KIF26A: variants seen among roughly 807,000 people sequenced by gnomAD.
KIF26A encodes kinesin-like protein KIF26A.
KIF26A carries 74 observed loss-of-function variants against 126.0 expected under a neutral mutation model. The observed-to-expected ratio is 0.59, with a 90% CI of 0.49 to 0.71. The LOEUF (loss-of-function observed/expected upper bound fraction) is 0.71, where lower values mean the gene tolerates loss of function less well. Among genes scored for constraint, KIF26A ranks in the 30% least tolerant of loss-of-function variants. The pLI, the probability that KIF26A is intolerant of heterozygous loss-of-function variation, is 0.00. For synonymous variants in KIF26A, 1,445 were observed against 1,232.7 expected, an observed-to-expected ratio of 1.17 and a Z score of -3.61; for missense variants, 2,984 against 2,763.3, an observed-to-expected ratio of 1.08 and a Z score of -1.79.
Position 104,177,266 on chromosome 14 carries a change from C to T in KIF26A, c.4478C>T (p.Pro1493Leu), listed in dbSNP as rs1221398630. Residue 1493 changes from proline (P) to leucine (L), a missense_variant, in exon 12 of 15, where the codon CCC (proline) becomes CTC (leucine). Transcript: ENST00000423312. ...GAAKAVGAPK[P>L]PVGGGKGRGL... ...GCCAAGGCTGTGGGGGCCCCCAAGC[C>T]CCCTGTTGGTGGAGGCAAGGGCCGT... is the stretch of plus-strand genomic sequence containing the variant. The T allele has an allele frequency of 6.3e-7, 1 of 1,594,630 alleles. No homozygotes were observed. Among genetic ancestry groups the T allele is most frequent in the Non-Finnish European group, 8.5e-7 (1 of 1,173,898 alleles).
chr14:104,176,704 C>T lies in KIF26A; in HGVS notation c.3916C>T (p.Leu1306=), dbSNP rs981532770. 1.1e-5 allele frequency: 17 copies of T among 1,588,930 alleles called. No individual in the cohort carries two copies. The highest frequency in any genetic ancestry group is 1.7e-5 in the Admixed American group (1 of 58,306). Residue 1306 remains leucine, a synonymous_variant, in exon 12 of 15, where the codon CTG becomes TTG. Transcript: ENST00000423312. The part of the protein sequence containing the change: ...RPEAVARIPP[L]RRGATTLGVT... ...AGAGGCTGTGGCTCGGATCCCACCGCTGCGGAGGGGTGCCACCACGCTGGG... is the reference window on the plus strand; with the variant it reads ...AGAGGCTGTGGCTCGGATCCCACCGTTGCGGAGGGGTGCCACCACGCTGGG...
chr14:104,158,665 C>T (rs1392471049), intron 4 of KIF26A, among the ~76,000 whole-genome samples: 2 of 152,216 alleles, frequency 1.3e-5, no homozygotes, highest in Non-Finnish European at 2.9e-5. Flanking sequence ...AGGCCTGAGG[C>T]CCTGCAGGCA....
Position 104,177,825 on chromosome 14 carries a change from C to T in KIF26A, c.5037C>T (p.Ser1679=), listed in dbSNP as rs756395545. 1.9e-6 allele frequency: 3 copies of T among 1,569,102 alleles called. No homozygotes were observed. Among genetic ancestry groups the T allele is most frequent in the South Asian group, 2.3e-5 (2 of 87,036 alleles). ...GCAGCGCCTCCTCCGCCCCTGACTC[C>T]ATGAGCGAGAGTGGGGCTGCCTCCC... is the stretch of plus-strand genomic sequence containing the variant. ...ATGSASSAPD[S]MSESGAASPG... The change falls in exon 12 of 15, where the codon TCC becomes TCT. Residue 1679 remains serine, a synonymous_variant. Transcript: ENST00000423312.
chr14:104,148,511 G>T lies in KIF26A; in HGVS notation c.289-3504G>T, dbSNP rs1003782115. On this transcript the variant is annotated intron_variant, in intron 2 of 14. Coordinates refer to ENST00000423312, the MANE Select transcript of KIF26A (RefSeq NM_015656.2). The surrounding 1 kb of genome is among the most constrained non-coding windows in gnomAD (Gnocchi z 4.3). Reference sequence around the variant, plus strand: ...AAATTGGGGGGCAGTAACCCGTTGGGGGCTTGGGCCAGAGGACCCCGTGAG... The same window carrying T: ...AAATTGGGGGGCAGTAACCCGTTGGTGGCTTGGGCCAGAGGACCCCGTGAG... 9.2e-5 allele frequency among the ~76,000 whole-genome samples: 14 copies of T among 152,120 alleles called. No individual in the cohort carries two copies. The highest frequency in any genetic ancestry group is 3.4e-4 in the African/African-American group (14 of 41,408).
intron 2 of KIF26A, among the ~76,000 whole-genome samples, chr14:104,142,180 T>G (rs2037643578): frequency 6.6e-6 from 1 of 151,974 alleles, no homozygotes; most frequent in South Asian, 2.1e-4. Context: ...TGAGCTCTGG[T>G]GCCCCGTCTG....
At position 104,176,808 on chromosome 14, in the gene KIF26A, C is replaced by G. The variant is rs750645206; in HGVS notation, c.4020C>G (p.Pro1340=). 70 of 1,562,458 alleles carry G rather than the reference C, an allele frequency of 4.5e-5. 1 individual carries two copies. The African/African-American group carries it at 9.0e-4, about 20-fold the overall frequency. The change falls in exon 12 of 15, where the codon CCC becomes CCG. Residue 1340 remains proline, a synonymous_variant. Coordinates refer to ENST00000423312, the MANE Select transcript of KIF26A (RefSeq NM_015656.2). The part of the protein sequence containing the change: ...VACSGSLKAS[P]TSKKGLAPKA... ...GCTCGGGGAGCCTGAAGGCCTCCCCCACCAGCAAGAAGGGTCTGGCTCCCA... is the reference window on the plus strand; with the variant it reads ...GCTCGGGGAGCCTGAAGGCCTCCCCGACCAGCAAGAAGGGTCTGGCTCCCA...
In KIF26A at chr14:104,139,280, A is replaced by G; in HGVS notation, c.280A>G (p.Thr94Ala). 1 of 1,508,836 alleles carries G rather than the reference A, an allele frequency of 6.6e-7. No homozygotes were observed. The highest frequency in any genetic ancestry group is 8.9e-7 in the Non-Finnish European group (1 of 1,128,396). 93.5% of individuals were successfully genotyped at this position (1,508,836 alleles called of 1,614,324 possible). A position where few individuals can be genotyped will look rare whatever the true frequency, so the allele number is the denominator to read the frequency against. The change falls in exon 2 of 15, where the codon ACC becomes GCC. Residue 94 changes from threonine to alanine, a missense_variant. Thr to Ala is a moderately conservative substitution (Grantham distance 58). Coordinates refer to ENST00000423312, the MANE Select transcript of KIF26A (RefSeq NM_015656.2). Reference protein sequence around the residue: ...AWKLVSGPGTTLRDPCLSALL... With the variant: ...AWKLVSGPGTALRDPCLSALL... Reference sequence around the variant, plus strand: ...GAAGCTGGTCAGCGGGCCCGGGACCACCCTCCGGGTAAGTGACACTTCCTT... The same window carrying G: ...GAAGCTGGTCAGCGGGCCCGGGACCGCCCTCCGGGTAAGTGACACTTCCTT...
In KIF26A at chr14:104,171,876, A is replaced by G; in HGVS notation, c.1267A>G (p.Thr423Ala). 1.9e-6 allele frequency: 3 copies of G among 1,558,644 alleles called. No homozygotes were observed. The highest frequency in any genetic ancestry group is 2.6e-6 in the Non-Finnish European group (3 of 1,152,160). ...PGSAGPRRAA[T>A]AAVPKMFAFD... ...CAGCGCAGGCCCCCGGCGAGCCGCC[A>G]CTGCTGCAGTTCCCAAGATGTTTGC... Residue 423 changes from threonine to alanine, a missense_variant, in exon 6 of 15, where the codon ACT (threonine) becomes GCT (alanine). Thr to Ala is a moderately conservative substitution (Grantham distance 58). Coordinates refer to ENST00000423312, the MANE Select transcript of KIF26A (RefSeq NM_015656.2).
Position 104,151,642 on chromosome 14 carries a change from G to A in KIF26A, c.289-373G>A, listed in dbSNP as rs1460646395. 6.6e-6 allele frequency among the ~76,000 whole-genome samples: 1 copy of A among 152,242 alleles called. No homozygotes were observed. Among genetic ancestry groups the A allele is most frequent in the East Asian group, 1.9e-4 (1 of 5,188 alleles). ...AGGGAGGCCCTCGTGGCTCTGAAGA[G>A]ACGTTGCTTTTAAGGGGCCCTGCTT... is the stretch of plus-strand genomic sequence containing the variant. On this transcript the variant is annotated intron_variant, in intron 2 of 14. Transcript: ENST00000423312. The surrounding 1 kb of genome is among the most constrained non-coding windows in gnomAD (Gnocchi z 4.9).
Position 104,138,753 on chromosome 14 carries a change from G to T in KIF26A, c.31G>T (p.Ala11Ser). 2 of 1,261,284 alleles carry T rather than the reference G, an allele frequency of 1.6e-6. No homozygotes were observed. Among genetic ancestry groups the T allele is most frequent in the Non-Finnish European group, 2.0e-6 (2 of 1,006,000 alleles). 78.1% of individuals were successfully genotyped at this position (1,261,284 alleles called of 1,614,324 possible). MVGRGVPLCA[A>S]QPAVAEGGPA... ...CGGCCGCGGCGTCCCTCTGTGCGCT[G>T]CGCAGCCCGCGGTACGCGCGGCCCG... is the stretch of plus-strand genomic sequence containing the variant. Residue 11 changes from alanine to serine, a missense_variant, in exon 1 of 15, where the codon GCG (alanine) becomes TCG (serine). Transcript: ENST00000423312.
chr14:104,178,034 C>T lies in KIF26A; in HGVS notation c.5110+136C>T, dbSNP rs547785754. Reference sequence around the variant, plus strand: ...CTTCAAGGTCCCAGACCCACACAGCCGTGGACGGTTTACAGACTCGCCTGG... The same window carrying T: ...CTTCAAGGTCCCAGACCCACACAGCTGTGGACGGTTTACAGACTCGCCTGG... On this transcript the variant is annotated intron_variant, in intron 12 of 14. Coordinates refer to ENST00000423312, the MANE Select transcript of KIF26A (RefSeq NM_015656.2). The T allele has an allele frequency of 1.2e-4, 122 of 1,040,964 alleles. 1 individual carries two copies. The highest frequency in any genetic ancestry group is 3.2e-4 in the Middle Eastern group (1 of 3,126). The allele number at this position is 1,040,964 out of a possible 1,614,324, so 64.5% of individuals were successfully genotyped here. A position where few individuals can be genotyped will look rare whatever the true frequency, so the allele number is the denominator to read the frequency against.
Position 104,173,353 on chromosome 14 carries a change from G to T in KIF26A, c.1707G>T (p.Arg569=). 6.2e-7 allele frequency: 1 copy of T among 1,603,098 alleles called. No individual in the cohort carries two copies. The highest frequency in any genetic ancestry group is 8.5e-7 in the Non-Finnish European group (1 of 1,175,532). The change falls in exon 9 of 15, where the codon CGG becomes CGT. Residue 569 remains arginine, a synonymous_variant. Transcript: ENST00000423312. The stretch of plus-strand genomic sequence containing the variant: ...AGCTCCAGAACCAAAGCGAGCTGCG[G>T]GCACCCACGGCCGAGAAGGCGGCTT... ...GAQLQNQSEL[R]APTAEKAAFY...
At position 104,173,229 on chromosome 14, in the gene KIF26A, G is replaced by A. The variant is rs2037978604; in HGVS notation, c.1673G>A (p.Cys558Tyr). The A allele has an allele frequency of 6.2e-7, 1 of 1,608,702 alleles. No homozygotes were observed. Among genetic ancestry groups the A allele is most frequent in the Non-Finnish European group, 8.5e-7 (1 of 1,177,014 alleles). ...GTGTACCTGCGGGAGGACCCCGTGT[G>A]TGGGGCGCAGGTGCGCCTGCCTACT... The part of the protein sequence containing the change: ...PGVYLREDPV[C>Y]GAQLQNQSEL... The change falls in exon 8 of 15, where the codon TGT (cysteine) becomes TAT (tyrosine). Residue 558 changes from cysteine to tyrosine, a missense_variant. By Grantham distance (194) the Cys-to-Tyr change is radical. Transcript: ENST00000423312.
intron 2 of KIF26A, among the ~76,000 whole-genome samples, chr14:104,147,015 G>T (rs934587443): frequency 6.6e-6 from 1 of 152,092 alleles, no homozygotes; most frequent in Admixed American, 6.5e-5. Context: ...GCCTGGGGCC[G>T]CTGGGAGGCA....
rs772496951 is a variant in KIF26A at position 104,177,840 on chromosome 14, G to A, written c.5052G>A (p.Gly1684=). The A allele has an allele frequency of 2.6e-6, 4 of 1,566,800 alleles. No homozygotes were observed. The highest frequency in any genetic ancestry group is 3.6e-5 in the Admixed American group (2 of 56,284). ...CCCCTGACTCCATGAGCGAGAGTGG[G>A]GCTGCCTCCCCAGGCGCCCGCACCC... The part of the protein sequence containing the change: ...SSAPDSMSES[G]AASPGARTRS... The change falls in exon 12 of 15, where the codon GGG becomes GGA. Residue 1684 remains glycine, a synonymous_variant. Coordinates refer to ENST00000423312, the MANE Select transcript of KIF26A (RefSeq NM_015656.2).
Position 104,152,203 on chromosome 14 carries a change from C to G in KIF26A, c.477C>G (p.Pro159=). 1 of 1,603,446 alleles carries G rather than the reference C, an allele frequency of 6.2e-7. No homozygotes were observed. The highest frequency in any genetic ancestry group is 8.5e-7 in the Non-Finnish European group (1 of 1,176,588). The change falls in exon 3 of 15, where the codon CCC becomes CCG. Residue 159 remains proline, a synonymous_variant. Coordinates refer to ENST00000423312, the MANE Select transcript of KIF26A (RefSeq NM_015656.2). This position sits in a 1 kb window ranked among gnomAD's most constrained non-coding sequence, Gnocchi z 5.9. ...HEDLDAPHGG[P]SLAPPSTTTS... The stretch of plus-strand genomic sequence containing the variant: ...ACCTTGACGCCCCCCATGGAGGCCC[C>G]AGCCTCGCACCCCCCAGCACCACGA...
chr14:104,143,572 CCCCAGGCCTGTGATTTGGGGGT>C (rs1191636468), intron 2 of KIF26A, among the ~76,000 whole-genome samples: 1 of 152,248 alleles, frequency 6.6e-6, no homozygotes, highest in Non-Finnish European at 1.5e-5. Context: ...TCTCCACAGC[CCCCAGGCCTGTGATTTGGGGGT>C]CCCAGGTCTG....
At position 104,173,248 on chromosome 14, in the gene KIF26A, G is replaced by A; in HGVS notation, c.1683+9G>A. ...CCGTGTGTGGGGCGCAGGTGCGCCT[G>A]CCTACTGTCCCACCTTGGGGGAGGG... On this transcript the variant is annotated intron_variant, in intron 8 of 14. Coordinates refer to ENST00000423312, the MANE Select transcript of KIF26A (RefSeq NM_015656.2). 1.2e-6 allele frequency: 2 copies of A among 1,604,742 alleles called. No individual in the cohort carries two copies. Among genetic ancestry groups the A allele is most frequent in the Non-Finnish European group, 1.7e-6 (2 of 1,174,114 alleles).
At position 104,179,802 on chromosome 14, in the gene KIF26A, G is replaced by C. The variant is rs371269460; in HGVS notation, c.*12G>C. 1.3e-6 allele frequency: 2 copies of C among 1,514,122 alleles called. No homozygotes were observed. Among genetic ancestry groups the C allele is most frequent in the Admixed American group, 2.1e-5 (1 of 48,490 alleles). The allele number at this position is 1,514,122 out of a possible 1,614,324, so 93.8% of individuals were successfully genotyped here. A position where few individuals can be genotyped will look rare whatever the true frequency, so the allele number is the denominator to read the frequency against. On this transcript the variant is annotated 3_prime_UTR_variant, in exon 15 of 15. Transcript: ENST00000423312. ...AGGTGGACGTCTGAGGCTGGGCGCCGGACAAGAGGAGGGGGCGTGCAGCGG... is the reference window on the plus strand; with the variant it reads ...AGGTGGACGTCTGAGGCTGGGCGCCCGACAAGAGGAGGGGGCGTGCAGCGG...
Sources: gnomAD v4.1 joint callset for allele counts (sites outside exome capture counted in the v4.1 genomes callset) on GRCh38, gnomAD v4.1.1 for gene constraint, Gnocchi (gnomAD v3.1) non-coding constraint, MANE v1.5 for transcripts, NCBI Gene and HGNC (gene_info 2026-07-23, HGNC 2026-07-21) for gene names.